TEX36: variants seen among roughly 807,000 people sequenced by gnomAD.
TEX36 encodes testis-expressed protein 36.
TEX36 carries 12 observed loss-of-function variants against 13.6 expected under a neutral mutation model. The observed-to-expected ratio is 0.88, with a 90% CI of 0.56 to 1.43. TEX36 has a LOEUF of 1.43. TEX36 is among the 40% of genes most tolerant of loss of function. TEX36 has a pLI of 0.00. For synonymous variants in TEX36, 93 were observed against 83.0 expected, an observed-to-expected ratio of 1.12 and a Z score of -0.65; for missense variants, 224 against 228.3, an observed-to-expected ratio of 0.98 and a Z score of 0.12.
chr10:125,602,750 T>C (rs376287529), intron 3 of TEX36, among the ~76,000 whole-genome samples: 3 of 152,224 alleles, frequency 2.0e-5, no homozygotes, highest in Non-Finnish European at 4.4e-5. Flanking sequence ...CCAAACTCTC[T>C]CCATCCAGAC....
intron 1 of TEX36, among the ~76,000 whole-genome samples, chr10:125,682,679 A>C (rs79755439): frequency 0.045 from 6,838 of 152,304 alleles, 213 homozygotes; most frequent in South Asian, 0.16. Flanking sequence ...AGAAAGAAAA[A>C]GTAGAGCAGG....
intron 3 of TEX36, among the ~76,000 whole-genome samples, chr10:125,600,552 A>G (rs1260771458): frequency 1.3e-5 from 2 of 152,204 alleles, no homozygotes; most frequent in Non-Finnish European, 2.9e-5. Context: ...ACTTAAAATC[A>G]GAAAAAAGAA....
At chr10:125,603,606 G>C (rs920079542) in intron 3 of TEX36, among the ~76,000 whole-genome samples, 4 of 152,336 alleles carry the variant, frequency 2.6e-5, no homozygotes, top group African/African-American at 9.6e-5. Context: ...CTGGGGGCAG[G>C]CTAAGCTGTT....
intron 1 of TEX36, among the ~76,000 whole-genome samples, chr10:125,678,865 T>G (rs1847350644): frequency 6.6e-6 from 1 of 151,982 alleles, no homozygotes; most frequent in Admixed American, 6.5e-5. Flanking sequence ...CCCGGCTGGG[T>G]GGGCTTGCGC....
At chr10:125,619,939 A>T (rs960618165), downstream of TEX36, among the ~76,000 whole-genome samples, 1 of 152,018 alleles carries the variant, frequency 6.6e-6, no homozygotes, top group Non-Finnish European at 1.5e-5. Context: ...TGCATGTATC[A>T]TTGTAAAAAT....
chr10:125,680,025 A>T (rs1453629887), intron 1 of TEX36, among the ~76,000 whole-genome samples: 4 of 152,244 alleles, frequency 2.6e-5, no homozygotes, highest in Non-Finnish European at 5.9e-5. Flanking sequence ...ACTGCTTTGC[A>T]CCTTGCTTTC....
intron 1 of TEX36, among the ~76,000 whole-genome samples, chr10:125,681,857 A>G (rs1368298675): frequency 6.6e-6 from 1 of 152,182 alleles, no homozygotes; most frequent in East Asian, 1.9e-4. Context: ...CCCTTGGTAC[A>G]TTATGCTCCC....
downstream of TEX36, among the ~76,000 whole-genome samples, chr10:125,654,047 T>C (rs1193753760): frequency 1.3e-5 from 2 of 152,160 alleles, no homozygotes; most frequent in African/African-American, 2.4e-5. Context: ...TCCTATCCAG[T>C]GCAATAAGAT....
At chr10:125,675,293 G>A (rs1191644871) in intron 1 of TEX36, among the ~76,000 whole-genome samples, 11 of 152,158 alleles carry the variant, frequency 7.2e-5, no homozygotes. Context: ...TGGCAGACTG[G>A]AGCTACAGCA....
intron 3 of TEX36, among the ~76,000 whole-genome samples, chr10:125,644,571 A>G (rs1178271365): frequency 6.6e-6 from 1 of 152,222 alleles, no homozygotes; most frequent in Admixed American, 6.5e-5. Context: ...ACGCACACGT[A>G]AAACTGTGAA....
At chr10:125,613,112 C>T (rs1301611951) in intron 3 of TEX36, among the ~76,000 whole-genome samples, 1 of 151,666 alleles carries the variant, frequency 6.6e-6, no homozygotes, top group Non-Finnish European at 1.5e-5. Context: ...GTTGAGGTGC[C>T]CCGCCCGACT....
chr10:125,604,375 C>T (rs768884521), intron 3 of TEX36, among the ~76,000 whole-genome samples: 19 of 152,170 alleles, frequency 1.2e-4, no homozygotes, highest in South Asian at 8.3e-4. Flanking sequence ...CTAATTTGCA[C>T]GCTCCTTATG....
intron 3 of TEX36, among the ~76,000 whole-genome samples, chr10:125,641,448 C>T (rs1846690963): frequency 6.6e-6 from 1 of 152,156 alleles, no homozygotes; most frequent in African/African-American, 2.4e-5. Context: ...ACTAAATACT[C>T]AGTAGTTATG....
chr10:125,639,410 T>G (rs1846656468), intron 3 of TEX36, among the ~76,000 whole-genome samples: 1 of 152,112 alleles, frequency 6.6e-6, no homozygotes, highest in South Asian at 2.1e-4. Flanking sequence ...AGCATTGGGG[T>G]CTGTTACCAC....
chr10:125,664,487 A>C (rs1488999853), intron 1 of TEX36, among the ~76,000 whole-genome samples: 1 of 152,186 alleles, frequency 6.6e-6, no homozygotes, highest in Non-Finnish European at 1.5e-5. Context: ...CTTGAATTAG[A>C]ATCCCCAAAT....
intron 1 of TEX36, among the ~76,000 whole-genome samples, chr10:125,669,307 A>T (rs1161989510): frequency 2.6e-5 from 4 of 151,254 alleles, no homozygotes; most frequent in African/African-American, 9.8e-5. Context: ...ATAAATAAAT[A>T]AAATAAATAA....
At chr10:125,662,926 C>T (rs1482503523) in intron 1 of TEX36, among the ~76,000 whole-genome samples, 1 of 152,146 alleles carries the variant, frequency 6.6e-6, no homozygotes, top group African/African-American at 2.4e-5. Context: ...AATGGTGCCT[C>T]TTAAAAGCCA....
chr10:125,681,792 C>T (rs1045430000), intron 1 of TEX36, among the ~76,000 whole-genome samples: 1 of 152,186 alleles, frequency 6.6e-6, no homozygotes, highest in Admixed American at 6.5e-5. Context: ...TATGTGCTCA[C>T]TCATTGTACT....
chr10:125,634,819 T>G (rs1454410369), intron 3 of TEX36, among the ~76,000 whole-genome samples: 1 of 151,824 alleles, frequency 6.6e-6, no homozygotes, highest in African/African-American at 2.4e-5. Flanking sequence ...GTAGATAGAG[T>G]GAAGTACTGT....
Sources: allele counts gnomAD v4.1 joint callset (sites outside exome capture counted in the v4.1 genomes callset), GRCh38; gene constraint gnomAD v4.1.1; transcripts MANE v1.5; gene names NCBI Gene and HGNC (gene_info 2026-07-23, HGNC 2026-07-21).